The following SLC7A13 variants were observed in gnomAD, a reference collection of about 807,000 sequenced individuals.
SLC7A13 encodes the protein X-amino acid transporter 2.
In SLC7A13, 31 loss-of-function variants were observed where a neutral mutation model predicts 32.0. That is an observed-to-expected ratio of 0.97 (90% confidence interval 0.73 to 1.31). The LOEUF (loss-of-function observed/expected upper bound fraction) is 1.31, where lower values mean the gene tolerates loss of function less well. Among genes scored for constraint, SLC7A13 ranks in the 50% most tolerant of loss-of-function variants. The pLI is 0.00. For missense variants in SLC7A13, 633 were observed against 546.9 expected, an observed-to-expected ratio of 1.16 and a Z score of -1.57; for synonymous variants, 232 against 206.9, an observed-to-expected ratio of 1.12 and a Z score of -1.04.
In SLC7A13 at chr8:86,214,555, T is replaced by C. The variant is rs141513795; in HGVS notation, c.1271A>G (p.Tyr424Cys). ...LVKSPNVHYV[Y>C]VLLLVLSGLL... Reference sequence around the variant, plus strand: ...TCCGCTGAGAACTAACAGAAGCACGTAGACATAATGCACATTTGGAGACTT... The same window carrying C: ...TCCGCTGAGAACTAACAGAAGCACGCAGACATAATGCACATTTGGAGACTT... The change falls in exon 4 of 4, where the codon TAC becomes TGC. Residue 424 changes from tyrosine to cysteine, a missense_variant. Transcript: ENST00000297524. 2 of 1,613,692 alleles carry C rather than the reference T, an allele frequency of 1.2e-6. No homozygotes were observed. The highest frequency in any genetic ancestry group is 4.5e-5 in the East Asian group (2 of 44,804).
Position 86,223,062 on chromosome 8 carries a change from A to G in SLC7A13, c.727T>C (p.Phe243Leu). Residue 243 changes from phenylalanine to leucine, a missense_variant, in exon 2 of 4, where the codon TTT (phenylalanine) becomes CTT (leucine). Coordinates refer to ENST00000297524, the MANE Select transcript of SLC7A13 (RefSeq NM_138817.3). ...ACAGTCACCAGAGGTAACGCAGTAA[A>G]TATGCATTTGGGAATTGTTGTTCTG... ...KPRTTIPKCI[F>L]TALPLVTVVY... The G allele has an allele frequency of 6.2e-7, 1 of 1,607,228 alleles. No homozygotes were observed. Among genetic ancestry groups the G allele is most frequent in the Non-Finnish European group, 8.5e-7 (1 of 1,176,672 alleles).
rs1370420242 is a variant in SLC7A13, at chr8:86,224,007, T to C, written c.686-904A>G. ...GTGTTTAGCCTCATCTATTAAGTCC[T>C]AGGCATTGAGTTTGGATAGTGGGAA... is the stretch of plus-strand genomic sequence containing the variant. On this transcript the variant is annotated intron_variant, in intron 1 of 3. Coordinates refer to ENST00000297524, the MANE Select transcript of SLC7A13 (RefSeq NM_138817.3). Among the ~76,000 whole-genome samples, 4 of 152,188 alleles carry C rather than the reference T, an allele frequency of 2.6e-5. No homozygotes were observed. In the East Asian group the frequency reaches 7.7e-4, roughly 29 times the overall value.
chr8:86,215,605 G>A (rs1353218121), intron 3 of SLC7A13: 1 of 394,078 alleles, frequency 2.5e-6, no homozygotes, highest in African/African-American at 2.2e-5. Flanking sequence ...AGAATCTCTT[G>A]AACCCAGGAA....
At chr8:86,216,578 G>A (rs915472770) in intron 3 of SLC7A13, among the ~76,000 whole-genome samples, 1 of 152,158 alleles carries the variant, frequency 6.6e-6, no homozygotes, top group African/African-American at 2.4e-5. Flanking sequence ...TGGAAAGGAA[G>A]GACATAAATC....
At chr8:86,218,462 C>T (rs58043748) in intron 2 of SLC7A13, among the ~76,000 whole-genome samples, 1 of 152,094 alleles carries the variant, frequency 6.6e-6, no homozygotes, top group East Asian at 1.9e-4. Context: ...GGTCACTTGG[C>T]AATATCTGGA....
At chr8:86,227,665 T>C (rs978003187) in intron 1 of SLC7A13, among the ~76,000 whole-genome samples, 4 of 152,182 alleles carry the variant, frequency 2.6e-5, no homozygotes, top group Non-Finnish European at 5.9e-5. Context: ...CTGTTCACAA[T>C]AGCAGTCATG....
chr8:86,217,466 T>A lies in SLC7A13; in HGVS notation c.1179+4A>T. The A allele has an allele frequency of 1.3e-6, 2 of 1,530,704 alleles. No homozygotes were observed. 94.8% of individuals were successfully genotyped at this position (1,530,704 alleles called of 1,614,324 possible). A position where few individuals can be genotyped will look rare whatever the true frequency, so the allele number is the denominator to read the frequency against. The stretch of plus-strand genomic sequence containing the variant: ...ACAGAAAAGAATTAGAAATCCAATT[T>A]TACCTTATAAGGTATAGATAGATTG... On this transcript the variant is annotated splice_donor_region_variant and intron_variant, in intron 3 of 3. Transcript: ENST00000297524.
Position 86,223,580 on chromosome 8 carries a change from G to A in SLC7A13, c.686-477C>T, listed in dbSNP as rs115734521. On this transcript the variant is annotated intron_variant, in intron 1 of 3. Transcript: ENST00000297524. Reference sequence around the variant, plus strand: ...TGTTGTGATAAACATGAGTGCAGATGTCCTATTCATTTATTTTCTTTTGGG... The same window carrying A: ...TGTTGTGATAAACATGAGTGCAGATATCCTATTCATTTATTTTCTTTTGGG... Among the ~76,000 whole-genome samples, 161 of 151,944 alleles carry A rather than the reference G, an allele frequency of 1.1e-3. 1 individual carries two copies. Among genetic ancestry groups the A allele is most frequent in the African/African-American group, 3.7e-3 (152 of 41,466 alleles).
chr8:86,229,552 T>C, intron 1 of SLC7A13, 41 bp downstream of exon 1: 1 of 1,491,514 alleles, frequency 6.7e-7, no homozygotes, highest in Non-Finnish European at 9.1e-7. Context: ...TTGTATGCAA[T>C]AAGTCATGAT....
intron 2 of SLC7A13, among the ~76,000 whole-genome samples, chr8:86,221,793 G>A (rs1042281399): frequency 6.6e-6 from 1 of 152,138 alleles, no homozygotes; most frequent in African/African-American, 2.4e-5. Context: ...TTATTACACC[G>A]AAGGAGATAT....
chr8:86,214,978 G>A (rs1052041794), intron 3 of SLC7A13, among the ~76,000 whole-genome samples: 3 of 152,084 alleles, frequency 2.0e-5, no homozygotes, highest in Non-Finnish European at 4.4e-5. Context: ...CCCAATGGAA[G>A]TAACAACAAT....
Position 86,229,598 on chromosome 8 carries a change from A to C in SLC7A13, c.680T>G (p.Ile227Arg), listed in dbSNP as rs532897792. Residue 227 changes from isoleucine (I) to arginine (R), a missense_variant, in exon 1 of 4, where the codon ATA (isoleucine) becomes AGA (arginine). Ile to Arg is a moderately conservative substitution (Grantham distance 97). Transcript: ENST00000297524. Reference protein sequence around the residue: ...AYSGGACFTLIAGELKKPRTT... With the variant: ...AYSGGACFTLRAGELKKPRTT... ...TTTCCTCAATGGATTGTTACCTGCT[A>C]TAAGTGTAAAGCATGCCCCGCCTGA... 2 of 1,611,720 alleles carry C rather than the reference A, an allele frequency of 1.2e-6. No individual in the cohort carries two copies. Among genetic ancestry groups the C allele is most frequent in the African/African-American group, 2.7e-5 (2 of 74,836 alleles).
chr8:86,227,031 A>T (rs1400638245), intron 1 of SLC7A13, among the ~76,000 whole-genome samples: 4 of 152,238 alleles, frequency 2.6e-5, no homozygotes, highest in African/African-American at 7.2e-5. Context: ...GCAGATAATA[A>T]AAAAGAGGCT....
rs1319701461 is a variant in SLC7A13 at position 86,214,217 on chromosome 8, T to C, written c.*196A>G. The C allele has an allele frequency of 4.3e-6, 2 of 459,990 alleles. No individual in the cohort carries two copies. The highest frequency in any genetic ancestry group is 7.7e-6 in the Non-Finnish European group (2 of 260,888). 28.5% of individuals were successfully genotyped at this position (459,990 alleles called of 1,614,324 possible). A position where few individuals can be genotyped will look rare whatever the true frequency, so the allele number is the denominator to read the frequency against. Reference sequence around the variant, plus strand: ...GTTTTTTACCATGCGAAGCAGAGCTTTTAGCAATTTCTTAGTGACTCTGAA... The same window carrying C: ...GTTTTTTACCATGCGAAGCAGAGCTCTTAGCAATTTCTTAGTGACTCTGAA... On this transcript the variant is annotated 3_prime_UTR_variant, in exon 4 of 4. Coordinates refer to ENST00000297524, the MANE Select transcript of SLC7A13 (RefSeq NM_138817.3).
In SLC7A13 at chr8:86,228,648, C is replaced by A. The variant is rs1050450777; in HGVS notation, c.685+945G>T. Among the ~76,000 whole-genome samples, 4 of 151,994 alleles carry A rather than the reference C, an allele frequency of 2.6e-5. No homozygotes were observed. The East Asian group carries it at 5.8e-4, about 22-fold the overall frequency. ...CTCACATGAGGCCAAGTGTTCGAGA[C>A]CAACCTGGCCAACATGGTGAAAGCC... On this transcript the variant is annotated intron_variant, in intron 1 of 3. Transcript: ENST00000297524.
intron 2 of SLC7A13, among the ~76,000 whole-genome samples, chr8:86,219,146 T>A (rs1820245282): frequency 6.6e-6 from 1 of 152,228 alleles, no homozygotes. Flanking sequence ...TCATTTATTG[T>A]TCTTCTCAGG....
At chr8:86,217,421 C>A (rs762807275) in intron 3 of SLC7A13, 49 bp downstream of exon 3, 1 of 1,417,058 alleles carries the variant, frequency 7.1e-7, no homozygotes, top group South Asian at 1.5e-5. Context: ...TACAGTTATA[C>A]TCAATATCTG....
chr8:86,229,815 C>A lies in SLC7A13; in HGVS notation c.463G>T (p.Glu155Ter). 1 of 1,614,186 alleles carries A rather than the reference C, an allele frequency of 6.2e-7. No individual in the cohort carries two copies. Among genetic ancestry groups the A allele is most frequent in the Non-Finnish European group, 8.5e-7 (1 of 1,180,036 alleles). The change falls in exon 1 of 4, where the codon GAA becomes TAA. Residue 155 changes from glutamate to a stop codon, truncating the protein, a stop_gained. Coordinates refer to ENST00000297524, the MANE Select transcript of SLC7A13 (RefSeq NM_138817.3). LOFTEE classifies it high-confidence loss of function. ...VGILTSRGVKEVTWLQIASSV... is the reference protein window; with the variant it reads ...VGILTSRGVK ...CTAGCTATCTGAAGCCAAGTCACTTCTTTCACACCACGAGAAGTCAGAATT... is the reference window on the plus strand; with the variant it reads ...CTAGCTATCTGAAGCCAAGTCACTTATTTCACACCACGAGAAGTCAGAATT...
chr8:86,225,033 C>T (rs1006649079), intron 1 of SLC7A13, among the ~76,000 whole-genome samples: 3 of 152,044 alleles, frequency 2.0e-5, no homozygotes, highest in Non-Finnish European at 2.9e-5. Context: ...AGTCTGCTTC[C>T]CTATTTTTTG....
Sources: allele counts gnomAD v4.1 joint callset (sites outside exome capture counted in the v4.1 genomes callset), GRCh38; gene constraint gnomAD v4.1.1; transcripts MANE v1.5; gene names NCBI Gene and HGNC (gene_info 2026-07-23, HGNC 2026-07-21).